The following IL1RL1 variants were observed in gnomAD, a reference collection of about 807,000 sequenced individuals.
The protein encoded by IL1RL1 is interleukin-1 receptor-like 1.
A neutral mutation model predicts 50.9 loss-of-function variants in IL1RL1; 32 were observed. That is an observed-to-expected ratio of 0.63 (90% CI 0.47 to 0.84). IL1RL1 has a LOEUF of 0.84. IL1RL1 is among the 40% of genes least tolerant of loss of function. IL1RL1 has a pLI of 0.00. For synonymous variants in IL1RL1, 275 were observed against 236.0 expected, an observed-to-expected ratio of 1.17 and a Z score of -1.51; for missense variants, 773 against 662.9, an observed-to-expected ratio of 1.17 and a Z score of -1.82.
In IL1RL1 at chr2:102,315,123, G is replaced by C. The variant is rs1475971462; in HGVS notation, c.-150+3500G>C. On this transcript the variant is annotated intron_variant, in intron 1 of 10. Transcript: ENST00000233954. Reference sequence around the variant, plus strand: ...GGAGCCTTGCAGTCAAAGTGTGATGGAGTGTCTGAGGGCCGAGTCATTGAG... The same window carrying C: ...GGAGCCTTGCAGTCAAAGTGTGATGCAGTGTCTGAGGGCCGAGTCATTGAG... Among the ~76,000 whole-genome samples the C allele has an allele frequency of 3.3e-5, 5 of 152,118 alleles. No individual in the cohort carries two copies. In the East Asian group the frequency reaches 7.7e-4, roughly 23 times the overall value.
intron 6 of IL1RL1, among the ~76,000 whole-genome samples, 184 bp from the exon 7 acceptor site, chr2:102,342,852 A>T (rs1307622265): frequency 1.3e-5 from 2 of 152,092 alleles, no homozygotes; most frequent in Non-Finnish European, 2.9e-5. Context: ...GGGTGAATGA[A>T]GGTAATGGAA....
rs1396127359 is a variant in IL1RL1, at chr2:102,338,335, G to A, written c.61+10G>A. 3.4e-6 allele frequency: 5 copies of A among 1,491,524 alleles called. No individual in the cohort carries two copies. Among genetic ancestry groups the A allele is most frequent in the Non-Finnish European group, 4.6e-6 (5 of 1,077,364 alleles). The allele number at this position is 1,491,524 out of a possible 1,614,324, so 92.4% of individuals were successfully genotyped here. A position where few individuals can be genotyped will look rare whatever the true frequency, so the allele number is the denominator to read the frequency against. On this transcript the variant is annotated intron_variant, in intron 2 of 10. Coordinates refer to ENST00000233954, the MANE Select transcript of IL1RL1 (RefSeq NM_016232.5). ...ACAGCAGCAAAGTTTAGTAAGTATT[G>A]CCTTCTAAGTATAATTTAAATTTTT...
At chr2:102,342,092 T>C in intron 5 of IL1RL1, 131 bp from the exon 6 acceptor site, 3 of 574,322 alleles carry the variant, frequency 5.2e-6, no homozygotes, top group Non-Finnish European at 9.3e-6. Context: ...TGTGTGTTTG[T>C]CATTATGGGT....
At chr2:102,337,448 A>G (rs1358819564) in intron 1 of IL1RL1, 1 of 152,282 alleles carries the variant, frequency 6.6e-6, no homozygotes. Flanking sequence ...TCTTCCCCTT[A>G]TATTTTAAGA....
intron 8 of IL1RL1, among the ~76,000 whole-genome samples, chr2:102,347,471 C>G (rs193134805): frequency 2.1e-3 from 324 of 152,306 alleles, no homozygotes; most frequent in African/African-American, 7.6e-3. Flanking sequence ...CACCAATTCC[C>G]CAAACTGGGT....
chr2:102,341,611 C>T (rs977400985), intron 5 of IL1RL1, among the ~76,000 whole-genome samples: 2 of 152,116 alleles, frequency 1.3e-5, no homozygotes, highest in African/African-American at 2.4e-5. Context: ...ATCACCAGAC[C>T]ACATTCCTAT....
chr2:102,351,816 C>T lies in IL1RL1; in HGVS notation c.1566C>T (p.Ser522=), dbSNP rs1346407021. The part of the protein sequence containing the change: ...WREDHIANKR[S]LNSKFWKHVR... ...AGGACCACATTGCCAATAAAAGGTC[C>T]CTGAATTCTAAATTCTGGAAGCACG... is the stretch of plus-strand genomic sequence containing the variant. The change falls in exon 11 of 11, where the codon TCC becomes TCT. Residue 522 remains serine (S), a synonymous_variant. Transcript: ENST00000233954. 6.2e-7 allele frequency: 1 copy of T among 1,614,024 alleles called. No individual in the cohort carries two copies. Among genetic ancestry groups the T allele is most frequent in the Admixed American group, 1.7e-5 (1 of 60,014 alleles).
In IL1RL1 at chr2:102,348,049, C is replaced by G; in HGVS notation, c.1075C>G (p.Leu359Val). The G allele has an allele frequency of 1.2e-6, 2 of 1,613,098 alleles. No homozygotes were observed. The highest frequency in any genetic ancestry group is 1.1e-5 in the South Asian group (1 of 91,066). The change falls in exon 9 of 11, where the codon CTG becomes GTG. Residue 359 changes from leucine (L) to valine (V), a missense_variant. Leu to Val is a conservative substitution (Grantham distance 32). Transcript: ENST00000233954. ...AAAAATGTTCTGGATTGAGGCCACT[C>G]TGCTCTGGAGAGACATAGCTAAACC... is the stretch of plus-strand genomic sequence containing the variant. ...ILKMFWIEAT[L>V]LWRDIAKPYK... is the part of the protein sequence containing the mutation.
intron 1 of IL1RL1, among the ~76,000 whole-genome samples, chr2:102,311,989 T>A (rs1224836800): frequency 9.5e-5 from 3 of 31,530 alleles, no homozygotes; most frequent in African/African-American, 2.1e-4. Flanking sequence ...TAATATATAT[T>A]ATATATAATA....
chr2:102,313,186 A>G (rs985376183), intron 1 of IL1RL1: 4 of 152,292 alleles, frequency 2.6e-5, no homozygotes, highest in African/African-American at 9.6e-5. Flanking sequence ...TGACCAGCAT[A>G]TTAGTAATAA....
At chr2:102,319,828 A>G (rs1559595015) in intron 1 of IL1RL1, among the ~76,000 whole-genome samples, 2 of 152,172 alleles carry the variant, frequency 1.3e-5, no homozygotes, top group Non-Finnish European at 2.9e-5. Context: ...AGCTGGGACC[A>G]TGGGCATGTG....
chr2:102,315,811 C>T (rs1054701162), intron 1 of IL1RL1, among the ~76,000 whole-genome samples: 5 of 152,172 alleles, frequency 3.3e-5, no homozygotes, highest in Admixed American at 6.5e-5. Context: ...ATAACCTTTT[C>T]AAAATATAAT....
At chr2:102,318,651 G>A (rs111977436) in intron 1 of IL1RL1, among the ~76,000 whole-genome samples, 10 of 152,282 alleles carry the variant, frequency 6.6e-5, no homozygotes, top group African/African-American at 2.4e-4. Context: ...GACATCATGT[G>A]GGGAGTGAGT....
chr2:102,330,752 G>A (rs1032557768), intron 1 of IL1RL1, among the ~76,000 whole-genome samples: 1 of 152,152 alleles, frequency 6.6e-6, no homozygotes, highest in Admixed American at 6.5e-5. Context: ...CTGTGGCTTA[G>A]TCTATTCAAA....
Position 102,351,910 on chromosome 2 carries a change from C to A in IL1RL1, c.1660C>A (p.Gln554Lys). ...CTCTAGTTTGACTCCCTTGGCTGCCCAGAAGCAATAGTGCCTGCTGTGATG... is the reference window on the plus strand; with the variant it reads ...CTCTAGTTTGACTCCCTTGGCTGCCAAGAAGCAATAGTGCCTGCTGTGATG... ...KASSLTPLAA[Q>K]KQ is the part of the protein sequence containing the mutation. Residue 554 changes from glutamine (Q) to lysine (K), a missense_variant, in exon 11 of 11, where the codon CAG (glutamine) becomes AAG (lysine). Gln to Lys is a moderately conservative substitution (Grantham distance 53). Coordinates refer to ENST00000233954, the MANE Select transcript of IL1RL1 (RefSeq NM_016232.5). The A allele has an allele frequency of 6.2e-7, 1 of 1,608,356 alleles. No individual in the cohort carries two copies. The highest frequency in any genetic ancestry group is 8.5e-7 in the Non-Finnish European group (1 of 1,177,530).
At chr2:102,344,723 A>C in intron 8 of IL1RL1, 2 of 945,686 alleles carry the variant, frequency 2.1e-6, no homozygotes, top group Non-Finnish European at 2.5e-6. Context: ...GCACAACCAA[A>C]TTATTGATAC....
At chr2:102,342,332 G>GA (rs758707917) in intron 6 of IL1RL1, 38 bp downstream of exon 6, 8 of 1,435,172 alleles carry the variant, frequency 5.6e-6, no homozygotes, top group Non-Finnish European at 7.9e-6. Context: ...ATATTGCCTG[G>GA]AAAAATCCTT....
chr2:102,351,541 G>A lies in IL1RL1; in HGVS notation c.1291G>A (p.Val431Ile), dbSNP rs774124817. The A allele has an allele frequency of 6.2e-7, 1 of 1,613,316 alleles. No individual in the cohort carries two copies. The highest frequency in any genetic ancestry group is 2.2e-5 in the East Asian group (1 of 44,870). ...GRDMLPGEDV[V>I]TAVETNIRKS... is the part of the protein sequence containing the mutation. ...TCTATTTCTTGTATGACTAGATGTA[G>A]TCACTGCAGTGGAAACCAACATACG... Residue 431 changes from valine to isoleucine, a missense_variant, in exon 11 of 11, where the codon GTC (valine) becomes ATC (isoleucine). Val to Ile is a conservative substitution (Grantham distance 29). Transcript: ENST00000233954.
chr2:102,317,888 A>G (rs1427914426), intron 1 of IL1RL1, among the ~76,000 whole-genome samples: 4 of 152,260 alleles, frequency 2.6e-5, no homozygotes, highest in East Asian at 3.9e-4. Flanking sequence ...AGTGAGTCAC[A>G]CAGACACCTG....
Sources: gnomAD v4.1 joint callset for allele counts (sites outside exome capture counted in the v4.1 genomes callset) on GRCh38, gnomAD v4.1.1 for gene constraint, MANE v1.5 for transcripts, NCBI Gene and HGNC (gene_info 2026-07-23, HGNC 2026-07-21) for gene names.